The following SETD5 variants were observed in gnomAD, a reference collection of about 807,000 sequenced individuals.
The protein encoded by SETD5 is histone-lysine N-methyltransferase SETD5.
SETD5 carries 44 observed loss-of-function variants against 153.3 expected under a neutral mutation model. That is an observed-to-expected ratio of 0.29 (90% confidence interval 0.23 to 0.37). The LOEUF is 0.37. Ranked by LOEUF, SETD5 falls within the 10% of genes least tolerant of loss-of-function variation. The pLI, the probability that SETD5 is intolerant of heterozygous loss-of-function variation, is 1.00. For missense variants in SETD5, 1,544 were observed against 1,768.0 expected, an observed-to-expected ratio of 0.87 and a Z score of 2.27; for synonymous variants, 716 against 645.2, an observed-to-expected ratio of 1.11 and a Z score of -1.66.
At chr3:9,452,476 T>A (rs2042732266) in intron 16 of SETD5, among the ~76,000 whole-genome samples, 1 of 152,178 alleles carries the variant, frequency 6.6e-6, no homozygotes, top group South Asian at 2.1e-4. Context: ...TCGGATTTTT[T>A]ATTTTGTTTT....
At chr3:9,467,214 A>C (rs973270651) in intron 18 of SETD5, among the ~76,000 whole-genome samples, 26 of 151,420 alleles carry the variant, frequency 1.7e-4, no homozygotes, top group African/African-American at 5.8e-4. Context: ...AAAAAAAAAA[A>C]AAAAAAAAAA....
At chr3:9,460,942 A>C (rs1361353875) in intron 17 of SETD5, among the ~76,000 whole-genome samples, 2 of 152,192 alleles carry the variant, frequency 1.3e-5, no homozygotes, top group Non-Finnish European at 2.9e-5. Context: ...ACATGATATC[A>C]GAAGCAGAAA....
chr3:9,406,606 T>TAAAAAAAAA (rs2035728389), intron 1 of SETD5, among the ~76,000 whole-genome samples: 1 of 85,108 alleles, frequency 1.2e-5, no homozygotes, highest in African/African-American at 7.6e-5. Flanking sequence ...AGACTCTGTC[T>TAAAAAAAAA]CAAAAAAAAA....
chr3:9,443,862 G>A (rs1375153110), intron 11 of SETD5, among the ~76,000 whole-genome samples: 5 of 152,076 alleles, frequency 3.3e-5, no homozygotes, highest in African/African-American at 9.7e-5. Context: ...TCAGGAGATC[G>A]AGACCATCCT....
Position 9,465,758 on chromosome 3 carries a change from A to C in SETD5, c.2724+1086A>C, listed in dbSNP as rs1254923767. Among the ~76,000 whole-genome samples, 6 of 152,252 alleles carry C rather than the reference A, an allele frequency of 3.9e-5. No individual in the cohort carries two copies. In the East Asian group the frequency reaches 7.7e-4, roughly 20 times the overall value. ...AAAACCTCCTGGTTACATATCAGTT[A>C]TCTAGGGAAATTACTCTTTACCAGA... On this transcript the variant is annotated intron_variant, in intron 18 of 22. Transcript: ENST00000402198.
At chr3:9,401,123 A>G (rs1002985934) in intron 1 of SETD5, among the ~76,000 whole-genome samples, 1 of 152,228 alleles carries the variant, frequency 6.6e-6, no homozygotes, top group Non-Finnish European at 1.5e-5. Context: ...GTCATTCACA[A>G]ATGTGGCTCA....
At chr3:9,413,770 TTTTTG>T (rs200427611) in intron 1 of SETD5, among the ~76,000 whole-genome samples, 3,068 of 151,632 alleles carry the variant, frequency 0.02, 102 homozygotes, top group African/African-American at 0.068. Context: ...TTTTTGTTTG[TTTTTG>T]TTTTGTTTTG....
In SETD5 at chr3:9,418,003, C is replaced by T. The variant is rs1173402455; in HGVS notation, c.-176-6464C>T. On this transcript the variant is annotated intron_variant, in intron 1 of 22. Coordinates refer to ENST00000402198, the MANE Select transcript of SETD5 (RefSeq NM_001080517.3). ...TCGCACAGGCTGGAGTGCAGTGGCG[C>T]GATCTCGGCTCACTGCAGGCTCCGC... Among the ~76,000 whole-genome samples the T allele has an allele frequency of 1.8e-4, 26 of 142,706 alleles. No homozygotes were observed. The East Asian group carries it at 4.4e-3, about 24-fold the overall frequency. The allele number at this position is 142,706 out of a possible 152,430, so 93.6% of individuals were successfully genotyped here.
rs777955328 is a variant in SETD5 at position 9,470,580 on chromosome 3, C to T, written c.2846C>T (p.Ser949Phe). ...SGHSDLAPHP[S>F]LGPTSETGFP... is the part of the protein sequence containing the mutation. ...CATTCTGACCTGGCTCCTCATCCCT[C>T]CCTCGGACCCACTTCTGAGACTGGT... The change falls in exon 19 of 23, where the codon TCC becomes TTC. Residue 949 changes from serine (S) to phenylalanine (F), a missense_variant. Ser to Phe is a radical substitution (Grantham distance 155, BLOSUM62 -2). Transcript: ENST00000402198. 12 of 1,613,890 alleles carry T rather than the reference C, an allele frequency of 7.4e-6. No individual in the cohort carries two copies. The highest frequency in any genetic ancestry group is 4.0e-5 in the African/African-American group (3 of 74,922).
At chr3:9,452,310 A>G (rs188142692) in intron 16 of SETD5, among the ~76,000 whole-genome samples, 2 of 152,228 alleles carry the variant, frequency 1.3e-5, no homozygotes, top group Non-Finnish European at 1.5e-5. Context: ...TGGCCATAAC[A>G]AAAGATTTTT....
Position 9,474,503 on chromosome 3 carries a change from C to A in SETD5, c.3552C>A (p.Val1184=). The stretch of plus-strand genomic sequence containing the variant: ...GAGAAGGAGGGAGCATCCCCAAGGT[C>A]CTCCGAAGCAGCGTGAGGGTGGCCC... ...RLREGGSIPK[V]LRSSVRVAQK... The change falls in exon 21 of 23, where the codon GTC becomes GTA. Residue 1184 remains valine (V), a synonymous_variant. Transcript: ENST00000402198. The A allele has an allele frequency of 1.2e-6, 2 of 1,613,846 alleles. No individual in the cohort carries two copies. Among genetic ancestry groups the A allele is most frequent in the Non-Finnish European group, 8.5e-7 (1 of 1,179,862 alleles).
chr3:9,397,666 C>CGCCGCCGCCGCCGCCGCT lies in SETD5; in HGVS notation c.-471_-470insTGCCGCCGCCGCCGCCGC, dbSNP rs1559328564. The stretch of plus-strand genomic sequence containing the variant: ...CTGAGTGAGCTGCCGCCGCCGCCGC[C>CGCCGCCGCCGCCGCCGCT]GCCGCCGCCGCCGCCGCCGCTGCCG... On this transcript the variant is annotated 5_prime_UTR_variant, in exon 1 of 23. Transcript: ENST00000402198. 3 of 179,096 alleles carry CGCCGCCGCCGCCGCCGCT rather than the reference C, an allele frequency of 1.7e-5. No individual in the cohort carries two copies. The highest frequency in any genetic ancestry group is 1.6e-4 in the South Asian group (1 of 6,154). 11.1% of individuals were successfully genotyped at this position (179,096 alleles called of 1,614,324 possible).
chr3:9,475,387 A>G, intron 22 of SETD5, 96 bp from the exon 23 acceptor site: 1 of 1,493,772 alleles, frequency 6.7e-7, no homozygotes, highest in South Asian at 1.4e-5. Context: ...CATGGTTAAA[A>G]GATGAAGAAA....
At chr3:9,441,029 T>C (rs2125177389) in intron 8 of SETD5, among the ~76,000 whole-genome samples, 1 of 151,866 alleles carries the variant, frequency 6.6e-6, no homozygotes, top group African/African-American at 2.4e-5. Context: ...CTGTACAACA[T>C]AGTGAGACCC....
At chr3:9,409,222 A>G (rs747127079) in intron 1 of SETD5, among the ~76,000 whole-genome samples, 22 of 151,940 alleles carry the variant, frequency 1.4e-4, no homozygotes, top group Non-Finnish European at 2.8e-4. Context: ...ATTAGATGAT[A>G]TTTTCTTACT....
Position 9,447,259 on chromosome 3 carries a change from C to T in SETD5, c.1734C>T (p.Ser578=). The change falls in exon 14 of 23, where the codon AGC becomes AGT. Residue 578 remains serine (S), a synonymous_variant. Coordinates refer to ENST00000402198, the MANE Select transcript of SETD5 (RefSeq NM_001080517.3). ...SNSVSNVTIP[S]TPQSVGVNTR... ...CTGTTTCAAATGTTACCATCCCAAG[C>T]ACCCCACAGAGTGTTGGTGTGAATA... The T allele has an allele frequency of 6.2e-7, 1 of 1,614,050 alleles. No homozygotes were observed. Among genetic ancestry groups the T allele is most frequent in the Non-Finnish European group, 8.5e-7 (1 of 1,179,898 alleles).
At chr3:9,408,330 G>A (rs960465306) in intron 1 of SETD5, among the ~76,000 whole-genome samples, 1 of 152,150 alleles carries the variant, frequency 6.6e-6, no homozygotes, top group Non-Finnish European at 1.5e-5. Context: ...TTAGGTGGTA[G>A]TAAGGGAAGG....
intron 1 of SETD5, among the ~76,000 whole-genome samples, chr3:9,407,639 ATGT>A (rs555957974): frequency 6.6e-6 from 1 of 152,182 alleles, no homozygotes; most frequent in Non-Finnish European, 1.5e-5. Flanking sequence ...TACTAGGAAT[ATGT>A]TTCTGTGGCA....
In SETD5 at chr3:9,432,365, AC is replaced by A. The variant is rs1305212766; in HGVS notation, c.72-1479del. ...ATCTCAGAATTTTCTTTGATCCCTC[AC>A]TTCTCAATTGACATTGCACCACATT... On this transcript the variant is annotated intron_variant, in intron 3 of 22. Transcript: ENST00000402198. 3.7e-6 allele frequency: 3 copies of A among 811,496 alleles called. No individual in the cohort carries two copies. In the African/African-American group the frequency reaches 5.6e-5, roughly 15 times the overall value. The allele number at this position is 811,496 out of a possible 1,614,324, so 50.3% of individuals were successfully genotyped here. A position where few individuals can be genotyped will look rare whatever the true frequency, so the allele number is the denominator to read the frequency against.
Sources: gnomAD v4.1 joint callset for allele counts (sites outside exome capture counted in the v4.1 genomes callset) on GRCh38, gnomAD v4.1.1 for gene constraint, MANE v1.5 for transcripts, NCBI Gene and HGNC (gene_info 2026-07-23, HGNC 2026-07-21) for gene names.